SLC30A7: variants seen among roughly 807,000 people sequenced by gnomAD.
SLC30A7 encodes the protein solute carrier family 30 member 7.
Under a neutral mutation model 46.0 loss-of-function variants are expected in SLC30A7, and 35 were observed. That is an observed-to-expected ratio of 0.76 (90% CI 0.58 to 1.01). The LOEUF (loss-of-function observed/expected upper bound fraction) is 1.01. Ranked by LOEUF, SLC30A7 falls within the 50% of genes least tolerant of loss-of-function variation. The pLI is 0.00. For missense variants in SLC30A7, 464 were observed against 451.1 expected, an observed-to-expected ratio of 1.03 and a Z score of -0.26; for synonymous variants, 147 against 157.8, an observed-to-expected ratio of 0.93 and a Z score of 0.51.
Position 100,965,335 on chromosome 1 carries a change from T to C in SLC30A7, c.934-434T>C, listed in dbSNP as rs964731724. On this transcript the variant is annotated intron_variant, in intron 9 of 10. Coordinates refer to ENST00000357650, the MANE Select transcript of SLC30A7 (RefSeq NM_133496.5). ...ATATGGGGATGCAGAACAATAGCAG[T>C]GATTTGGGTATCTGTCTTTTTCCTG... is the stretch of plus-strand genomic sequence containing the variant. Among the ~76,000 whole-genome samples the C allele has an allele frequency of 3.3e-5, 5 of 152,238 alleles. No homozygotes were observed. In the South Asian group the frequency reaches 8.3e-4, roughly 25 times the overall value.
intron 10 of SLC30A7, among the ~76,000 whole-genome samples, chr1:100,971,525 A>G (rs1570598663): frequency 6.6e-6 from 1 of 152,110 alleles, no homozygotes; most frequent in African/African-American, 2.4e-5. Context: ...TAAGTAATCC[A>G]TATGATTTAA....
At position 100,978,133 on chromosome 1, in the gene SLC30A7, A is replaced by G. The variant is rs1265727890; in HGVS notation, c.*3276A>G. 1 of 152,212 alleles carries G rather than the reference A, an allele frequency of 6.6e-6. No individual in the cohort carries two copies. Among genetic ancestry groups the G allele is most frequent in the Non-Finnish European group, 1.5e-5 (1 of 68,052 alleles). The allele number at this position is 152,212 out of a possible 1,614,324, so 9.4% of individuals were successfully genotyped here. On this transcript the variant is annotated 3_prime_UTR_variant, in exon 11 of 11. Coordinates refer to ENST00000357650, the MANE Select transcript of SLC30A7 (RefSeq NM_133496.5). ...ATATCCACAGCTTCCTCAGTTTGCT[A>G]ACTCCCCATGCATCTTTGTGAAGGA...
In SLC30A7 at chr1:100,975,148, C is replaced by CT. The variant is rs1010628084; in HGVS notation, c.*298dup. On this transcript the variant is annotated 3_prime_UTR_variant, in exon 11 of 11. Transcript: ENST00000357650. ...GATGTTAATTTGTCCTTTTGTCTTT[C>CT]TTTTTTTGTTTTTGTTTTCTGTTTG... 2.0e-4 allele frequency: 56 copies of CT among 276,874 alleles called. No homozygotes were observed. The highest frequency in any genetic ancestry group is 1.1e-3 in the African/African-American group (50 of 45,766). The allele number at this position is 276,874 out of a possible 1,614,324, so 17.2% of individuals were successfully genotyped here.
intron 9 of SLC30A7, among the ~76,000 whole-genome samples, chr1:100,964,324 CATGT>C (rs1655730747): frequency 9.8e-6 from 1 of 101,856 alleles, no homozygotes; most frequent in Non-Finnish European, 2.0e-5. Context: ...ATGTTATATA[CATGT>C]ATGTATATAT....
chr1:100,960,080 A>G (rs902433217), intron 8 of SLC30A7, among the ~76,000 whole-genome samples: 4 of 152,172 alleles, frequency 2.6e-5, no homozygotes, highest in African/African-American at 9.7e-5. Flanking sequence ...ACTATTGACT[A>G]AATAATATTT....
intron 8 of SLC30A7, among the ~76,000 whole-genome samples, chr1:100,953,887 T>A (rs1655081388): frequency 6.6e-6 from 1 of 152,234 alleles, no homozygotes; most frequent in African/African-American, 2.4e-5. Flanking sequence ...TGCTGATTGT[T>A]CCTAAGTATA....
At chr1:100,990,529 C>T in the SLC30A7 span, 1 of 1,614,180 alleles carries the variant, frequency 6.2e-7, no homozygotes. Flanking sequence ...CAATGGTTCT[C>T]CCAAGTCCAC....
the SLC30A7 span, chr1:100,992,619 T>G: frequency 6.3e-7 from 1 of 1,581,838 alleles, no homozygotes; most frequent in Non-Finnish European, 8.7e-7. Context: ...ATGAGAGCCC[T>G]TCTAGTGTCT....
At chr1:100,960,176 T>C (rs1398629269) in intron 8 of SLC30A7, among the ~76,000 whole-genome samples, 1 of 152,196 alleles carries the variant, frequency 6.6e-6, no homozygotes, top group Non-Finnish European at 1.5e-5. Context: ...TAGTAATCTG[T>C]TTGTCCTTAA....
Position 100,911,057 on chromosome 1 carries a change from C to G in SLC30A7, c.297-6C>G, listed in dbSNP as rs767764106. ...TAATTCAGTTATTTACTTTGTTCCT[C>G]TTTAGGTATGTTAGAGCGGAAGTTC... On this transcript the variant is annotated splice_polypyrimidine_tract_variant and splice_region_variant and intron_variant, in intron 3 of 10. Transcript: ENST00000357650. 6.2e-7 allele frequency: 1 copy of G among 1,600,660 alleles called. No homozygotes were observed. The highest frequency in any genetic ancestry group is 8.5e-7 in the Non-Finnish European group (1 of 1,170,642).
chr1:100,928,849 T>C (rs2101042148), intron 8 of SLC30A7, among the ~76,000 whole-genome samples: 1 of 152,288 alleles, frequency 6.6e-6, no homozygotes, highest in East Asian at 1.9e-4. Context: ...CTACTATATG[T>C]AGATTATTAA....
At chr1:100,995,648 T>G in the SLC30A7 span, 2 of 155,522 alleles carry the variant, frequency 1.3e-5, no homozygotes, top group African/African-American at 4.8e-5. Flanking sequence ...GATTTGAGCA[T>G]GGACTGTGTG....
At position 100,962,167 on chromosome 1, in the gene SLC30A7, A is replaced by G. The variant is rs550384535; in HGVS notation, c.933+249A>G. On this transcript the variant is annotated intron_variant, in intron 9 of 10. Transcript: ENST00000357650. Reference sequence around the variant, plus strand: ...CAGTTTTTAAAAATATAGAATATCTATAGCAGAGATATTCATTCAACATAG... The same window carrying G: ...CAGTTTTTAAAAATATAGAATATCTGTAGCAGAGATATTCATTCAACATAG... Among the ~76,000 whole-genome samples the G allele has an allele frequency of 6.6e-5, 10 of 152,356 alleles. No homozygotes were observed. The South Asian group carries it at 1.9e-3, about 28-fold the overall frequency.
chr1:100,908,789 A>G (rs959083447), intron 3 of SLC30A7, among the ~76,000 whole-genome samples: 1 of 152,102 alleles, frequency 6.6e-6, no homozygotes, highest in Non-Finnish European at 1.5e-5. Flanking sequence ...TATATATCAG[A>G]AATCTAATTA....
rs1651950020 is a variant in SLC30A7, at chr1:100,909,627, T to C, written c.297-1436T>C. 2.0e-5 allele frequency among the ~76,000 whole-genome samples: 3 copies of C among 152,256 alleles called. No homozygotes were observed. In the South Asian group the frequency reaches 6.2e-4, roughly 32 times the overall value. On this transcript the variant is annotated intron_variant, in intron 3 of 10. Transcript: ENST00000357650. The stretch of plus-strand genomic sequence containing the variant: ...GCAAATGTGTTTAGTTTTCATGTGT[T>C]TTTGTTTTGAGCCCACAACCAAGTT...
chr1:100,933,572 C>T (rs1557991947), intron 8 of SLC30A7, among the ~76,000 whole-genome samples: 1 of 152,110 alleles, frequency 6.6e-6, no homozygotes, highest in Non-Finnish European at 1.5e-5. Context: ...CCCACTCCCC[C>T]CACTCTACTA....
At chr1:100,930,381 A>G (rs1653594158) in intron 8 of SLC30A7, among the ~76,000 whole-genome samples, 1 of 151,686 alleles carries the variant, frequency 6.6e-6, no homozygotes, top group Non-Finnish European at 1.5e-5. Flanking sequence ...AGAAATGATA[A>G]ATAATGGTCT....
rs1266139954 is a variant in SLC30A7 at position 100,979,496 on chromosome 1, A to AATGG, written c.*4643_*4646dup. 6.6e-6 allele frequency: 1 copy of AATGG among 151,778 alleles called. No individual in the cohort carries two copies. Among genetic ancestry groups the AATGG allele is most frequent in the African/African-American group, 2.4e-5 (1 of 41,370 alleles). The allele number at this position is 151,778 out of a possible 1,614,324, so 9.4% of individuals were successfully genotyped here. A position where few individuals can be genotyped will look rare whatever the true frequency, so the allele number is the denominator to read the frequency against. On this transcript the variant is annotated 3_prime_UTR_variant, in exon 11 of 11. Coordinates refer to ENST00000357650, the MANE Select transcript of SLC30A7 (RefSeq NM_133496.5). ...GGAAGGACAGTTCTAGTTAAAGCCA[A>AATGG]ATGGATGTGAGTCTGACAAGGGTGT...
intron 3 of SLC30A7, among the ~76,000 whole-genome samples, chr1:100,907,747 T>G (rs1205010008): frequency 6.6e-6 from 1 of 151,818 alleles, no homozygotes; most frequent in Non-Finnish European, 1.5e-5. Context: ...TCTTTTACAT[T>G]CTCTTCCTTC....
Sources: allele counts gnomAD v4.1 joint callset (sites outside exome capture counted in the v4.1 genomes callset), GRCh38; gene constraint gnomAD v4.1.1; transcripts MANE v1.5; gene names NCBI Gene and HGNC (gene_info 2026-07-23, HGNC 2026-07-21).